Variants in WDR17 observed in about 807,000 individuals in gnomAD.
WDR17 encodes the protein WD repeat-containing protein 17.
WDR17 carries 143 observed loss-of-function variants against 161.7 expected under a neutral mutation model. The ratio of observed to expected loss-of-function variants is 0.88; its 90% CI spans 0.77 to 1.02. The LOEUF is 1.02. Among genes scored for constraint, WDR17 ranks in the 50% least tolerant of loss-of-function variants. The pLI, the probability that WDR17 is intolerant of heterozygous loss-of-function variation, is 0.00. For missense variants in WDR17, 1,469 were observed against 1,520.9 expected (o/e 0.97, Z 0.57); for synonymous variants, 517 against 515.6 (o/e 1.00, Z -0.04).
chr4:176,161,985 G>C (rs1217186898), intron 20 of WDR17, 90 bp from the exon 21 acceptor site: 1 of 1,071,926 alleles, frequency 9.3e-7, no homozygotes, highest in African/African-American at 1.6e-5. Context: ...ATTTTATTTG[G>C]TCTTTTTATC....
chr4:176,120,317 T>A (rs898168409), intron 4 of WDR17, among the ~76,000 whole-genome samples: 7 of 136,762 alleles, frequency 5.1e-5, no homozygotes, highest in African/African-American at 2.0e-4. Flanking sequence ...TATATATATA[T>A]ATAATACATT....
Position 176,162,091 on chromosome 4 carries a change from A to G in WDR17, c.2767A>G (p.Ser923Gly). 6.2e-7 allele frequency: 1 copy of G among 1,612,674 alleles called. No homozygotes were observed. Among genetic ancestry groups the G allele is most frequent in the Non-Finnish European group, 8.5e-7 (1 of 1,179,274 alleles). The part of the protein sequence containing the change: ...EDFNELLHKV[S>G]KELAEWYFQD... ...TCTTTCTAGACTCCTGCACAAAGTC[A>G]GTAAAGAACTGGCAGAATGGTATTT... Residue 923 changes from serine (S) to glycine (G), a missense_variant, in exon 21 of 29, where the codon AGT (serine) becomes GGT (glycine). Coordinates refer to ENST00000508596, the MANE Select transcript of WDR17 (RefSeq NM_181265.4).
At chr4:176,140,607 G>C (rs886887921) in intron 10 of WDR17, among the ~76,000 whole-genome samples, 1 of 152,092 alleles carries the variant, frequency 6.6e-6, no homozygotes, top group Admixed American at 6.5e-5. Flanking sequence ...CTCCCCTGTA[G>C]CTGTCTATGG....
At chr4:176,160,476 C>T (rs1357023282) in intron 19 of WDR17, among the ~76,000 whole-genome samples, 2 of 152,152 alleles carry the variant, frequency 1.3e-5, no homozygotes, top group Non-Finnish European at 2.9e-5. Context: ...CACCCGCCAC[C>T]ATGCCCAGCT....
At chr4:176,067,947 C>T (rs1365021024) in intron 1 of WDR17, among the ~76,000 whole-genome samples, 1 of 152,174 alleles carries the variant, frequency 6.6e-6, no homozygotes, top group Admixed American at 6.5e-5. Context: ...TCCAGAGTAC[C>T]TGATTTTGTT....
intron 23 of WDR17, 57 bp from the exon 24 acceptor site, chr4:176,172,318 A>G: frequency 6.6e-7 from 1 of 1,517,448 alleles, no homozygotes; most frequent in South Asian, 1.2e-5. Flanking sequence ...TACTTACACT[A>G]TTGCTTTTAT....
At chr4:176,123,475 G>A (rs1741926309) in intron 4 of WDR17, among the ~76,000 whole-genome samples, 1 of 152,148 alleles carries the variant, frequency 6.6e-6, no homozygotes, top group African/African-American at 2.4e-5. Context: ...AGCTTATTTT[G>A]CCTGTGTTTC....
At chr4:176,148,978 T>C (rs1483954742) in intron 13 of WDR17, among the ~76,000 whole-genome samples, 4 of 152,188 alleles carry the variant, frequency 2.6e-5, no homozygotes, top group Non-Finnish European at 5.9e-5. Flanking sequence ...CTAGATCAGG[T>C]TCAGATCCAT....
Position 176,174,597 on chromosome 4 carries a change from A to G in WDR17, c.3348-20A>G. 6.4e-7 allele frequency: 1 copy of G among 1,564,718 alleles called. No homozygotes were observed. Among genetic ancestry groups the G allele is most frequent in the Non-Finnish European group, 8.7e-7 (1 of 1,144,936 alleles). On this transcript the variant is annotated intron_variant, in intron 25 of 28. Transcript: ENST00000508596. ...GCCTCAAATTGTGGAATTTATAAAA[A>G]TAAATATATTCTCTTTTAGAGCTCG...
intron 1 of WDR17, among the ~76,000 whole-genome samples, chr4:176,089,139 T>C (rs976191911): frequency 6.6e-6 from 1 of 152,158 alleles, no homozygotes; most frequent in African/African-American, 2.4e-5. Context: ...TTTATTTAGA[T>C]TACGTACCTG....
At chr4:176,075,917 A>G (rs11133131) in intron 1 of WDR17, among the ~76,000 whole-genome samples, 79,409 of 151,718 alleles carry the variant, frequency 0.52, 22,178 homozygotes, top group South Asian at 0.63. Context: ...TGAGGCTTGA[A>G]TGTGCTATGA....
chr4:176,177,752 T>C, intron 28 of WDR17, 98 bp downstream of exon 28: 1 of 1,267,092 alleles, frequency 7.9e-7, no homozygotes, highest in Non-Finnish European at 1.1e-6. Context: ...TAAAAGTAGG[T>C]AATTTAGGAC....
chr4:176,104,505 A>T (rs1738364007), intron 1 of WDR17, among the ~76,000 whole-genome samples: 1 of 152,044 alleles, frequency 6.6e-6, no homozygotes, highest in Admixed American at 6.6e-5. Context: ...CTCTTAATTT[A>T]AAAAACTAAT....
rs543744169 is a variant in WDR17 at position 176,081,513 on chromosome 4, T to C, written c.-7+15434T>C. ...TGTTCATTCTCTATTATAGCAGCTATTGCATATTGTTTCATACATTTATTT... is the reference window on the plus strand; with the variant it reads ...TGTTCATTCTCTATTATAGCAGCTACTGCATATTGTTTCATACATTTATTT... On this transcript the variant is annotated intron_variant, in intron 1 of 28. Coordinates refer to ENST00000508596, the MANE Select transcript of WDR17 (RefSeq NM_181265.4). Among the ~76,000 whole-genome samples the C allele has an allele frequency of 5.3e-5, 8 of 152,262 alleles. No homozygotes were observed. In the South Asian group the frequency reaches 1.7e-3, roughly 32 times the overall value.
At chr4:176,085,831 T>G (rs1460987995) in intron 1 of WDR17, among the ~76,000 whole-genome samples, 1 of 152,028 alleles carries the variant, frequency 6.6e-6, no homozygotes, top group African/African-American at 2.4e-5. Flanking sequence ...CTACATTTTT[T>G]GGGCTTGATT....
chr4:176,104,273 TC>T (rs1276879716), intron 1 of WDR17, among the ~76,000 whole-genome samples: 1 of 152,030 alleles, frequency 6.6e-6, no homozygotes, highest in Non-Finnish European at 1.5e-5. Flanking sequence ...TCAAGGAAGT[TC>T]TGCAGGGTGA....
chr4:176,120,984 T>G (rs1385165139), intron 4 of WDR17, among the ~76,000 whole-genome samples: 1 of 152,150 alleles, frequency 6.6e-6, no homozygotes, highest in East Asian at 1.9e-4. Context: ...GGCCATTATA[T>G]TCTAAATACA....
intron 27 of WDR17, 133 bp from the exon 28 acceptor site, chr4:176,177,338 T>C: frequency 9.8e-7 from 1 of 1,016,438 alleles, no homozygotes; most frequent in Non-Finnish European, 1.4e-6. Context: ...TGTTTTACTA[T>C]AAATTAAGTC....
intron 22 of WDR17, among the ~76,000 whole-genome samples, chr4:176,166,422 GAATGA>G (rs1310866723): frequency 2.6e-5 from 4 of 152,050 alleles, no homozygotes; most frequent in Non-Finnish European, 4.4e-5. Flanking sequence ...CAGCTAAGCA[GAATGA>G]AATATCTCTT....
Sources: allele counts gnomAD v4.1 joint callset (sites outside exome capture counted in the v4.1 genomes callset), GRCh38; gene constraint gnomAD v4.1.1; transcripts MANE v1.5; gene names NCBI Gene and HGNC (gene_info 2026-07-23, HGNC 2026-07-21).